RAB38: variants seen among roughly 807,000 people sequenced by gnomAD.
The protein encoded by RAB38 is RAB38, member RAS oncogene family, also known as ras-related protein Rab-38.
In RAB38, 15 loss-of-function variants were observed where a neutral mutation model predicts 18.4. The observed-to-expected ratio is 0.82, with a 90% CI of 0.55 to 1.26. The LOEUF is 1.26. Among genes scored for constraint, RAB38 ranks in the 50% most tolerant of loss-of-function variants. The pLI is 0.00. For synonymous variants in RAB38, 101 were observed against 104.4 expected, an observed-to-expected ratio of 0.97 and a Z score of 0.20; for missense variants, 294 against 267.4, an observed-to-expected ratio of 1.10 and a Z score of -0.69.
chr11:88,104,157 T>C, the RAB38 span, among the ~76,000 whole-genome samples: 3 of 152,208 alleles, frequency 2.0e-5, no homozygotes, highest in African/African-American at 7.2e-5. Flanking sequence ...CCAAGTTTTT[T>C]CCCTCTTTGG....
chr11:88,009,191 G>A, the RAB38 span, among the ~76,000 whole-genome samples: 1 of 152,130 alleles, frequency 6.6e-6, no homozygotes, highest in Non-Finnish European at 1.5e-5. Flanking sequence ...TGACAGAAAT[G>A]GAACAATACT....
At chr11:88,101,711 A>G in the RAB38 span, among the ~76,000 whole-genome samples, 1 of 151,816 alleles carries the variant, frequency 6.6e-6, no homozygotes, top group African/African-American at 2.4e-5. Context: ...ACTATAAAAA[A>G]TGTTTTTGAT....
At chr11:88,015,661 A>T in the RAB38 span, among the ~76,000 whole-genome samples, 2 of 152,252 alleles carry the variant, frequency 1.3e-5, no homozygotes, top group East Asian at 3.9e-4. Flanking sequence ...AAACATTACA[A>T]ATCAAAGCTA....
At chr11:88,112,445 T>C (rs1276936791), downstream of RAB38, among the ~76,000 whole-genome samples, 1 of 152,108 alleles carries the variant, frequency 6.6e-6, no homozygotes, top group East Asian at 1.9e-4. Flanking sequence ...TTCCAAAGAA[T>C]TTGGGGATTC....
At chr11:88,051,739 G>A in the RAB38 span, among the ~76,000 whole-genome samples, 2 of 152,088 alleles carry the variant, frequency 1.3e-5, no homozygotes, top group African/African-American at 4.8e-5. Context: ...ATGGAATTTT[G>A]AAACCTTTTG....
chr11:87,918,399 T>C, the RAB38 span, among the ~76,000 whole-genome samples: 2 of 152,300 alleles, frequency 1.3e-5, no homozygotes, highest in Middle Eastern at 6.8e-3. Flanking sequence ...TTTGGATTTA[T>C]AACCAGTAGT....
At chr11:88,094,535 T>C in the RAB38 span, among the ~76,000 whole-genome samples, 1 of 151,902 alleles carries the variant, frequency 6.6e-6, no homozygotes, top group Non-Finnish European at 1.5e-5. Context: ...GTCCTTCAAC[T>C]CCTCATGTCT....
At position 88,120,059 on chromosome 11, in the gene RAB38, C is replaced by A. The variant is rs552856431; in HGVS notation, c.484-5919G>T. On this transcript the variant is annotated intron_variant, in intron 2 of 2. Transcript: ENST00000243662. ...GTTAAGCACTTCTGTCCTCCCTTGTCCCTCATATCAACCTCCCATTTCCTT... is the reference window on the plus strand; with the variant it reads ...GTTAAGCACTTCTGTCCTCCCTTGTACCTCATATCAACCTCCCATTTCCTT... Among the ~76,000 whole-genome samples, 4 of 152,288 alleles carry A rather than the reference C, an allele frequency of 2.6e-5. No individual in the cohort carries two copies. In the East Asian group the frequency reaches 7.7e-4, roughly 29 times the overall value.
the RAB38 span, among the ~76,000 whole-genome samples, chr11:87,913,770 T>G: frequency 6.6e-6 from 1 of 152,128 alleles, no homozygotes; most frequent in African/African-American, 2.4e-5. Flanking sequence ...CCCCCTCAGG[T>G]TTTGCCTCTT....
chr11:87,816,390 T>A, the RAB38 span: 1 of 152,338 alleles, frequency 6.6e-6, no homozygotes, highest in Admixed American at 6.6e-5. Context: ...TCTTTTTAAT[T>A]TATTTGGGAG....
the RAB38 span, among the ~76,000 whole-genome samples, chr11:87,811,552 T>C: frequency 6.6e-6 from 1 of 152,158 alleles, no homozygotes; most frequent in Non-Finnish European, 1.5e-5. Context: ...CAGGGCCCTC[T>C]ATTTGGAATA....
the RAB38 span, among the ~76,000 whole-genome samples, chr11:88,029,049 G>A: frequency 6.6e-6 from 1 of 152,092 alleles, no homozygotes; most frequent in Non-Finnish European, 1.5e-5. Flanking sequence ...AACTCTACAA[G>A]CCAGAAGAGA....
chr11:87,969,290 A>T, the RAB38 span, among the ~76,000 whole-genome samples: 3 of 152,224 alleles, frequency 2.0e-5, no homozygotes, highest in South Asian at 6.2e-4. Context: ...CCTCCAGATA[A>T]CCACACATAT....
chr11:88,047,728 T>A, the RAB38 span, among the ~76,000 whole-genome samples: 1 of 152,166 alleles, frequency 6.6e-6, no homozygotes, highest in Non-Finnish European at 1.5e-5. Context: ...CCAGATCCCA[T>A]TGCTCAGGAC....
the RAB38 span, among the ~76,000 whole-genome samples, chr11:87,935,434 G>T: frequency 1.3e-5 from 2 of 152,160 alleles, no homozygotes; most frequent in Admixed American, 6.5e-5. Context: ...CCCTTCAGAA[G>T]ACTTCTTTTT....
chr11:88,078,895 A>G, the RAB38 span, among the ~76,000 whole-genome samples: 1 of 152,020 alleles, frequency 6.6e-6, no homozygotes, highest in Non-Finnish European at 1.5e-5. Flanking sequence ...CTTCTAGCAT[A>G]AAGAAAAGAT....
At chr11:88,072,103 C>T in the RAB38 span, among the ~76,000 whole-genome samples, 2 of 152,104 alleles carry the variant, frequency 1.3e-5, no homozygotes, top group African/African-American at 4.8e-5. Flanking sequence ...GTCTACCTTA[C>T]CAAAATCAGA....
At chr11:88,102,893 T>C in the RAB38 span, among the ~76,000 whole-genome samples, 1 of 152,150 alleles carries the variant, frequency 6.6e-6, no homozygotes, top group South Asian at 2.1e-4. Context: ...ATTACATTGT[T>C]ACTCCCGTCT....
At chr11:87,931,029 G>A in the RAB38 span, among the ~76,000 whole-genome samples, 26 of 152,110 alleles carry the variant, frequency 1.7e-4, 1 homozygote, top group East Asian at 2.9e-3. Context: ...TTTGGCTTAG[G>A]ATTGACTTGG....
Sources: gnomAD v4.1 joint callset for allele counts (sites outside exome capture counted in the v4.1 genomes callset) on GRCh38, gnomAD v4.1.1 for gene constraint, MANE v1.5 for transcripts, NCBI Gene and HGNC (gene_info 2026-07-23, HGNC 2026-07-21) for gene names.